Variants in FAM117B observed in about 807,000 individuals in gnomAD.
FAM117B encodes the protein family with sequence similarity 117 member B, also known as protein FAM117B.
A neutral mutation model predicts 52.8 loss-of-function variants in FAM117B; 22 were observed. That is an observed-to-expected ratio of 0.42 (90% CI 0.30 to 0.59). The LOEUF (loss-of-function observed/expected upper bound fraction) is 0.59. Among genes scored for constraint, FAM117B ranks in the 20% least tolerant of loss-of-function variants. FAM117B has a pLI of 0.22. For missense variants in FAM117B, 678 were observed against 802.6 expected, an observed-to-expected ratio of 0.84 and a Z score of 1.88; for synonymous variants, 309 against 324.1, an observed-to-expected ratio of 0.95 and a Z score of 0.50.
intron 1 of FAM117B, among the ~76,000 whole-genome samples, chr2:202,639,532 CA>C (rs916786844): frequency 6.6e-6 from 1 of 152,158 alleles, no homozygotes; most frequent in Non-Finnish European, 1.5e-5. Flanking sequence ...TCCTTTTACC[CA>C]ACTTCATTTT....
rs1256663179 is a variant in FAM117B at position 202,640,344 on chromosome 2, G to A, written c.601+4556G>A. Among the ~76,000 whole-genome samples, 191 of 56,244 alleles carry A rather than the reference G, an allele frequency of 3.4e-3. 3 individuals are homozygous for A. The highest frequency in any genetic ancestry group is 0.014 in the African/African-American group (176 of 12,684). The allele number at this position is 56,244 out of a possible 152,430, so 36.9% of individuals were successfully genotyped here. The stretch of plus-strand genomic sequence containing the variant: ...TATATATATATATATATATATATAT[G>A]GCAAGTCGTGTTCTTGCTAGTTTCC... On this transcript the variant is annotated intron_variant, in intron 1 of 7. Transcript: ENST00000392238.
rs1380041898 is a variant in FAM117B at position 202,676,554 on chromosome 2, G to A, written c.602-19327G>A. Among the ~76,000 whole-genome samples the A allele has an allele frequency of 2.0e-5, 3 of 151,508 alleles. No individual in the cohort carries two copies. The South Asian group carries it at 6.3e-4, about 32-fold the overall frequency. ...GCCACCACACCTGGCTAATTTTTGT[G>A]TTTTTAGTAGAGACGGGGTTTCACC... On this transcript the variant is annotated intron_variant, in intron 1 of 7. Coordinates refer to ENST00000392238, the MANE Select transcript of FAM117B (RefSeq NM_173511.4).
At chr2:202,640,393 T>A (rs1311835158) in intron 1 of FAM117B, among the ~76,000 whole-genome samples, 2 of 143,342 alleles carry the variant, frequency 1.4e-5, no homozygotes. Context: ...TGTATTAAGT[T>A]GTGTATAAAT....
chr2:202,763,121 G>C (rs1691921278), intron 7 of FAM117B, among the ~76,000 whole-genome samples: 1 of 147,264 alleles, frequency 6.8e-6, no homozygotes, highest in Non-Finnish European at 1.5e-5. Flanking sequence ...GCCCAGGCTG[G>C]AGTGCAGTGG....
intron 4 of FAM117B, among the ~76,000 whole-genome samples, chr2:202,737,060 A>G (rs1330568222): frequency 1.3e-5 from 2 of 152,214 alleles, no homozygotes; most frequent in African/African-American, 4.8e-5. Flanking sequence ...GAAAGGAGTC[A>G]AAAACAGCAA....
At chr2:202,698,433 C>CT (rs559214411) in intron 2 of FAM117B, among the ~76,000 whole-genome samples, 4 of 150,760 alleles carry the variant, frequency 2.7e-5, no homozygotes, top group Non-Finnish European at 4.4e-5. Flanking sequence ...CTTTTTTTTT[C>CT]TTTTTTTGGA....
chr2:202,635,530 G>A lies in FAM117B; in HGVS notation c.343G>A (p.Ala115Thr). 1 of 1,145,260 alleles carries A rather than the reference G, an allele frequency of 8.7e-7. No individual in the cohort carries two copies. Among genetic ancestry groups the A allele is most frequent in the South Asian group, 4.2e-5 (1 of 23,812 alleles). The allele number at this position is 1,145,260 out of a possible 1,614,324, so 70.9% of individuals were successfully genotyped here. The change falls in exon 1 of 8, where the codon GCG becomes ACG. Residue 115 changes from alanine (A) to threonine (T), a missense_variant. This residue lies in a region of FAM117B where 583 missense variants were observed against 644.8 expected (regional missense o/e 0.90). Coordinates refer to ENST00000392238, the MANE Select transcript of FAM117B (RefSeq NM_173511.4). Reference sequence around the variant, plus strand: ...CCCCACGGTGGCCACGCAGACGGGCGCGTCCGCGACGTCCACGCGAGGCAC... The same window carrying A: ...CCCCACGGTGGCCACGCAGACGGGCACGTCCGCGACGTCCACGCGAGGCAC... Reference protein sequence around the residue: ...TSPTVATQTGASATSTRGTSP... With the variant: ...TSPTVATQTGTSATSTRGTSP...
At chr2:202,731,223 A>C (rs963484283) in intron 4 of FAM117B, among the ~76,000 whole-genome samples, 1 of 151,122 alleles carries the variant, frequency 6.6e-6, no homozygotes, top group Non-Finnish European at 1.5e-5. Context: ...TAATTTGTCA[A>C]TGGGGAAATG....
intron 1 of FAM117B, among the ~76,000 whole-genome samples, chr2:202,682,615 A>C (rs994182501): frequency 6.6e-6 from 1 of 152,188 alleles, no homozygotes; most frequent in Admixed American, 6.5e-5. Flanking sequence ...ATTCTTTTCA[A>C]CTGCACCTGG....
intron 2 of FAM117B, among the ~76,000 whole-genome samples, chr2:202,717,431 C>T (rs910850900): frequency 1.3e-5 from 2 of 152,120 alleles, no homozygotes; most frequent in African/African-American, 4.8e-5. Context: ...GAGATGGTGT[C>T]ACTGTACTCC....
At chr2:202,672,556 A>G (rs1332953302) in intron 1 of FAM117B, among the ~76,000 whole-genome samples, 1 of 152,140 alleles carries the variant, frequency 6.6e-6, no homozygotes, top group Non-Finnish European at 1.5e-5. Context: ...TCCTTTTACA[A>G]ACAGTAAAAA....
intron 4 of FAM117B, among the ~76,000 whole-genome samples, chr2:202,736,930 T>C (rs1323098360): frequency 2.0e-5 from 3 of 152,114 alleles, no homozygotes; most frequent in Non-Finnish European, 4.4e-5. Context: ...AAATTAATGC[T>C]ATATCTCTTT....
In FAM117B at chr2:202,759,271, T is replaced by C; in HGVS notation, c.1369T>C (p.Ser457Pro). 6.2e-7 allele frequency: 1 copy of C among 1,614,096 alleles called. No homozygotes were observed. The highest frequency in any genetic ancestry group is 1.1e-5 in the South Asian group (1 of 91,076). Residue 457 changes from serine to proline, a missense_variant, in exon 7 of 8, where the codon TCA becomes CCA. Coordinates refer to ENST00000392238, the MANE Select transcript of FAM117B (RefSeq NM_173511.4). ...TTCTCCTTTGCCCAAATATGCAACC[T>C]CACCAAAACCTAACAACAGTTATAT... The part of the protein sequence containing the change: ...NNSPLPKYAT[S>P]PKPNNSYMFK...
intron 1 of FAM117B, among the ~76,000 whole-genome samples, chr2:202,684,516 G>A (rs976161668): frequency 1.3e-5 from 2 of 151,950 alleles, no homozygotes; most frequent in East Asian, 1.9e-4. Flanking sequence ...TGTCCTTTTC[G>A]TGATCGTGCC....
intron 4 of FAM117B, among the ~76,000 whole-genome samples, chr2:202,740,345 A>G (rs1691513166): frequency 7.0e-6 from 1 of 142,114 alleles, no homozygotes; most frequent in East Asian, 2.0e-4. Flanking sequence ...GGGCAACAGA[A>G]CGAGACTCTG....
At chr2:202,649,459 T>TC (rs1390330999) in intron 1 of FAM117B, among the ~76,000 whole-genome samples, 1 of 152,246 alleles carries the variant, frequency 6.6e-6, no homozygotes, top group African/African-American at 2.4e-5. Flanking sequence ...CTCCCACCCA[T>TC]CCTTTGTGAT....
chr2:202,673,387 C>CTAGAGTG (rs1397946054), intron 1 of FAM117B, among the ~76,000 whole-genome samples: 1 of 139,234 alleles, frequency 7.2e-6, no homozygotes, highest in East Asian at 2.1e-4. Context: ...AGTTCCTGCT[C>CTAGAGTG]TAGAGTGATG....
chr2:202,644,355 A>G (rs1689830519), intron 1 of FAM117B, among the ~76,000 whole-genome samples: 1 of 152,152 alleles, frequency 6.6e-6, no homozygotes, highest in South Asian at 2.1e-4. Context: ...TCACAAATTT[A>G]TCCCTAAGAA....
chr2:202,642,782 C>G (rs951756559), intron 1 of FAM117B, among the ~76,000 whole-genome samples: 1 of 152,038 alleles, frequency 6.6e-6, no homozygotes, highest in African/African-American at 2.4e-5. Context: ...GGGCAACACT[C>G]GAAATGACTA....
Sources: allele counts gnomAD v4.1 joint callset (sites outside exome capture counted in the v4.1 genomes callset), GRCh38; gene constraint gnomAD v4.1.1; regional missense constraint gnomAD v4.1.1; transcripts MANE v1.5; gene names NCBI Gene and HGNC (gene_info 2026-07-23, HGNC 2026-07-21).